BMPR1B: variants seen among roughly 807,000 people sequenced by gnomAD.
BMPR1B encodes the protein bone morphogenetic protein receptor type-1B.
In BMPR1B, 12 loss-of-function variants were observed where a neutral mutation model predicts 59.1. That is an observed-to-expected ratio of 0.20 (90% CI 0.13 to 0.33). The LOEUF (loss-of-function observed/expected upper bound fraction) is 0.33, where lower values mean the gene tolerates loss of function less well. BMPR1B is among the 10% of genes least tolerant of loss of function. The pLI, the probability that BMPR1B is intolerant of heterozygous loss-of-function variation, is 1.00. For missense variants in BMPR1B, 550 were observed against 610.9 expected (o/e 0.90, Z 1.05); for synonymous variants, 237 against 207.3 (o/e 1.14, Z -1.23).
chr4:94,776,596 A>G (rs1722378694), intron 1 of BMPR1B, among the ~76,000 whole-genome samples: 1 of 152,228 alleles, frequency 6.6e-6, no homozygotes. Flanking sequence ...TGTGGTAAGG[A>G]ATCTTGATAT....
intron 2 of BMPR1B, among the ~76,000 whole-genome samples, chr4:94,877,937 TTTGTGTGCATGCAC>T (rs1432917514): frequency 6.6e-6 from 1 of 152,210 alleles, no homozygotes; most frequent in Non-Finnish European, 1.5e-5. Context: ...ATTTCCTGTG[TTTGTGTGCATGCAC>T]ATGTGTGCGT....
chr4:94,924,101 C>T (rs1728798954), intron 2 of BMPR1B, among the ~76,000 whole-genome samples: 1 of 152,014 alleles, frequency 6.6e-6, no homozygotes, highest in African/African-American at 2.4e-5. Flanking sequence ...TATTTTTTCC[C>T]TGCTACTTGA....
chr4:94,801,390 T>C (rs1050726178), intron 1 of BMPR1B, among the ~76,000 whole-genome samples: 19 of 152,162 alleles, frequency 1.2e-4, no homozygotes, highest in African/African-American at 4.1e-4. Flanking sequence ...AACCCCTTAC[T>C]GGGTGGGGTT....
chr4:94,758,855 G>C (rs557349204), intron 1 of BMPR1B, among the ~76,000 whole-genome samples: 85 of 151,842 alleles, frequency 5.6e-4, no homozygotes, highest in Non-Finnish European at 4.4e-5. Flanking sequence ...CGCCTGCTCT[G>C]GCTCTCCCAG....
chr4:94,903,463 A>G (rs1727908249), intron 2 of BMPR1B, among the ~76,000 whole-genome samples: 1 of 151,416 alleles, frequency 6.6e-6, no homozygotes. Flanking sequence ...AAAAATAAGG[A>G]CAAATTACTT....
chr4:94,912,211 G>A (rs934361066), intron 2 of BMPR1B, among the ~76,000 whole-genome samples: 3 of 152,094 alleles, frequency 2.0e-5, no homozygotes, highest in Admixed American at 6.6e-5. Context: ...AACAACATAT[G>A]GGAATTATGG....
At chr4:94,927,090 G>A (rs1211464262) in intron 2 of BMPR1B, among the ~76,000 whole-genome samples, 2 of 152,142 alleles carry the variant, frequency 1.3e-5, no homozygotes, top group Non-Finnish European at 1.5e-5. Flanking sequence ...GACACAACTA[G>A]TGCAAGTCAC....
intron 2 of BMPR1B, among the ~76,000 whole-genome samples, chr4:94,993,051 A>G (rs1721846681): frequency 6.6e-6 from 1 of 152,006 alleles, no homozygotes; most frequent in Admixed American, 6.6e-5. Flanking sequence ...TAAGTTTTTT[A>G]TTTAATTTTT....
At chr4:94,978,618 G>A (rs1731116790) in intron 2 of BMPR1B, among the ~76,000 whole-genome samples, 1 of 152,118 alleles carries the variant, frequency 6.6e-6, no homozygotes, top group Non-Finnish European at 1.5e-5. Flanking sequence ...TACGAGCATG[G>A]GAAATCATAT....
rs137944884 is a variant in BMPR1B at position 94,819,537 on chromosome 4, C to T, written c.-182-56294C>T. On this transcript the variant is annotated intron_variant, in intron 1 of 12. Coordinates refer to ENST00000515059, the MANE Select transcript of BMPR1B (RefSeq NM_001203.3). ...GTAGCCAGTGGAAGTATTTTTAGCCCGGGGTTCTTTCATCAGCCCTCTAGT... is the reference window on the plus strand; with the variant it reads ...GTAGCCAGTGGAAGTATTTTTAGCCTGGGGTTCTTTCATCAGCCCTCTAGT... Among the ~76,000 whole-genome samples, 1,121 of 152,282 alleles carry T rather than the reference C, an allele frequency of 7.4e-3. 12 individuals carry two copies. The highest frequency in any genetic ancestry group is 0.025 in the African/African-American group (1,028 of 41,566).
At chr4:94,810,552 C>T (rs1723773113) in intron 1 of BMPR1B, among the ~76,000 whole-genome samples, 2 of 152,048 alleles carry the variant, frequency 1.3e-5, no homozygotes, top group South Asian at 4.2e-4. Flanking sequence ...GGGATGTGAG[C>T]TTACATGAAA....
chr4:95,016,823 A>G (rs928322027), intron 3 of BMPR1B, among the ~76,000 whole-genome samples: 12 of 152,182 alleles, frequency 7.9e-5, no homozygotes, highest in Non-Finnish European at 1.6e-4. Context: ...CAAGTATACC[A>G]TCTTACCCAC....
intron 1 of BMPR1B, among the ~76,000 whole-genome samples, chr4:94,767,931 TATC>T (rs1352228172): frequency 2.0e-5 from 3 of 152,082 alleles, no homozygotes; most frequent in African/African-American, 7.2e-5. Context: ...ATTTAAATTT[TATC>T]ATTTCACCAT....
chr4:95,005,339 G>T (rs1192733176), intron 3 of BMPR1B, among the ~76,000 whole-genome samples: 3 of 151,998 alleles, frequency 2.0e-5, no homozygotes, highest in Admixed American at 2.0e-4. Flanking sequence ...ATTAATTGAT[G>T]GTATTAGAGC....
At chr4:94,770,670 CCT>C (rs1428937021) in intron 1 of BMPR1B, among the ~76,000 whole-genome samples, 1 of 151,772 alleles carries the variant, frequency 6.6e-6, no homozygotes, top group African/African-American at 2.4e-5. Flanking sequence ...CAGCACCTTC[CCT>C]GTTTATGGTT....
chr4:94,774,984 T>G (rs1578628450), intron 1 of BMPR1B, among the ~76,000 whole-genome samples: 1 of 152,290 alleles, frequency 6.6e-6, no homozygotes. Flanking sequence ...GTTGCATTTG[T>G]TTTAAAATTG....
rs541938020 is a variant in BMPR1B at position 95,007,310 on chromosome 4, T to G, written c.-18+11176T>G. Among the ~76,000 whole-genome samples, 8 of 152,292 alleles carry G rather than the reference T, an allele frequency of 5.3e-5. No homozygotes were observed. The East Asian group carries it at 1.5e-3, about 29-fold the overall frequency. ...CATGAATTTTTAGAACACATCATTA[T>G]AAAAATAGATGTTTTAAGTTATTTG... On this transcript the variant is annotated intron_variant, in intron 3 of 12. Transcript: ENST00000515059.
intron 2 of BMPR1B, among the ~76,000 whole-genome samples, chr4:94,965,409 G>T: frequency 6.6e-6 from 1 of 151,936 alleles, no homozygotes; most frequent in East Asian, 1.9e-4. Context: ...TCTTTTTATG[G>T]CATTTCTTAT....
intron 3 of BMPR1B, among the ~76,000 whole-genome samples, chr4:95,038,060 TGTA>T (rs1459864779): frequency 6.6e-6 from 1 of 152,104 alleles, no homozygotes; most frequent in African/African-American, 2.4e-5. Flanking sequence ...ATGGGGTGGT[TGTA>T]GTAGTAAATA....
Sources: gnomAD v4.1 joint callset for allele counts (sites outside exome capture counted in the v4.1 genomes callset) on GRCh38, gnomAD v4.1.1 for gene constraint, MANE v1.5 for transcripts, NCBI Gene and HGNC (gene_info 2026-07-23, HGNC 2026-07-21) for gene names.